The following FUT9 variants were observed in gnomAD, a reference collection of about 807,000 sequenced individuals.
FUT9 encodes the protein 4-galactosyl-N-acetylglucosaminide 3-alpha-L-fucosyltransferase 9.
FUT9 carries 15 observed loss-of-function variants against 29.7 expected under a neutral mutation model. The ratio of observed to expected loss-of-function variants is 0.51; its 90% CI spans 0.34 to 0.78. The LOEUF is 0.78. FUT9 is among the 30% of genes least tolerant of loss of function. The pLI, the probability that FUT9 is intolerant of heterozygous loss-of-function variation, is 0.01. For missense variants in FUT9, 319 were observed against 425.4 expected (o/e 0.75, Z 2.20); for synonymous variants, 169 against 153.7 (o/e 1.10, Z -0.74).
rs1773763511 is a variant in FUT9 at position 96,203,350 on chromosome 6, T to C, written c.195T>C (p.Thr65=). 2 of 1,613,696 alleles carry C rather than the reference T, an allele frequency of 1.2e-6. No homozygotes were observed. The highest frequency in any genetic ancestry group is 1.7e-5 in the Admixed American group (1 of 59,984). The change falls in exon 3 of 3, where the codon ACT becomes ACC. Residue 65 remains threonine (T), a synonymous_variant. Coordinates refer to ENST00000302103, the MANE Select transcript of FUT9 (RefSeq NM_006581.4). The part of the protein sequence containing the change: ...STKTDYFNET[T]ILVWVWPFGQ... Reference sequence around the variant, plus strand: ...AAACTGATTATTTTAATGAAACTACTATTCTGGTGTGGGTGTGGCCATTTG... The same window carrying C: ...AAACTGATTATTTTAATGAAACTACCATTCTGGTGTGGGTGTGGCCATTTG...
At chr6:96,172,818 G>C (rs1324860617) in intron 2 of FUT9, among the ~76,000 whole-genome samples, 1 of 17,434 alleles carries the variant, frequency 5.7e-5, no homozygotes, top group Non-Finnish European at 3.4e-3. Context: ...AAAATAAAGA[G>C]ATAGGTTCTC....
chr6:96,144,657 A>G (rs909869172), intron 2 of FUT9, among the ~76,000 whole-genome samples: 3 of 152,216 alleles, frequency 2.0e-5, no homozygotes, highest in East Asian at 3.9e-4. Context: ...TAATTATAAA[A>G]GAAAATAAGA....
At chr6:96,108,538 T>G (rs1297216809) in intron 1 of FUT9, among the ~76,000 whole-genome samples, 2 of 152,154 alleles carry the variant, frequency 1.3e-5, no homozygotes, top group East Asian at 3.9e-4. Context: ...TACGTGTTAT[T>G]ATTATTAGCG....
chr6:96,149,130 C>T lies in FUT9; in HGVS notation c.-9+35003C>T, dbSNP rs572731391. Among the ~76,000 whole-genome samples the T allele has an allele frequency of 3.3e-5, 5 of 150,616 alleles. No individual in the cohort carries two copies. In the South Asian group the frequency reaches 6.4e-4, roughly 19 times the overall value. ...GTGAGCCAAGATTCTGCCACTGTAC[C>T]GCAGCCTGGGCAACACAGTGAGACT... On this transcript the variant is annotated intron_variant, in intron 2 of 2. Transcript: ENST00000302103.
intron 1 of FUT9, among the ~76,000 whole-genome samples, chr6:96,081,364 T>C (rs1372470922): frequency 6.6e-6 from 1 of 151,768 alleles, no homozygotes; most frequent in Non-Finnish European, 1.5e-5. Flanking sequence ...TGATTGTCTT[T>C]GAATTTTTCT....
intron 1 of FUT9, among the ~76,000 whole-genome samples, chr6:96,112,652 TTG>T (rs969553180): frequency 1.3e-5 from 2 of 152,122 alleles, no homozygotes; most frequent in Non-Finnish European, 2.9e-5. Flanking sequence ...ATAACGTTGT[TTG>T]TGTGTGTGCG....
At chr6:96,062,054 T>C (rs923887296) in intron 1 of FUT9, among the ~76,000 whole-genome samples, 22 of 152,102 alleles carry the variant, frequency 1.4e-4, no homozygotes, top group African/African-American at 5.3e-4. Flanking sequence ...AGGGTTTGTA[T>C]AGTATATGAT....
rs1404653587 is a variant in FUT9 at position 96,124,401 on chromosome 6, C to T, written c.-9+10274C>T. Among the ~76,000 whole-genome samples the T allele has an allele frequency of 2.6e-5, 4 of 152,062 alleles. No homozygotes were observed. In the East Asian group the frequency reaches 5.8e-4, roughly 22 times the overall value. ...CTCTGACCTTGTGATCAGCCCACCTCGGCCTCCCAAAGTGCTGGGATTACA... is the reference window on the plus strand; with the variant it reads ...CTCTGACCTTGTGATCAGCCCACCTTGGCCTCCCAAAGTGCTGGGATTACA... On this transcript the variant is annotated intron_variant, in intron 2 of 2. Transcript: ENST00000302103.
chr6:96,023,910 T>G (rs559819540), intron 1 of FUT9, among the ~76,000 whole-genome samples: 1 of 152,046 alleles, frequency 6.6e-6, no homozygotes, highest in East Asian at 1.9e-4. Context: ...GACCAGAAAG[T>G]GATTTATGTG....
chr6:96,149,790 A>G (rs2127976255), intron 2 of FUT9, among the ~76,000 whole-genome samples: 1 of 152,330 alleles, frequency 6.6e-6, no homozygotes, highest in Non-Finnish European at 1.5e-5. Flanking sequence ...TGTAATGATC[A>G]AATCAGGGTA....
At chr6:96,195,647 T>A (rs1047977896) in intron 2 of FUT9, among the ~76,000 whole-genome samples, 1 of 152,194 alleles carries the variant, frequency 6.6e-6, no homozygotes, top group Non-Finnish European at 1.5e-5. Context: ...TATAGGACTT[T>A]GAGACAGAAT....
At chr6:96,143,462 C>A (rs1772503439) in intron 2 of FUT9, among the ~76,000 whole-genome samples, 1 of 152,062 alleles carries the variant, frequency 6.6e-6, no homozygotes, top group Non-Finnish European at 1.5e-5. Flanking sequence ...TGGTTCCTTC[C>A]TTCATTCATT....
Position 96,060,189 on chromosome 6 carries a change from C to T in FUT9, c.-98+43977C>T, listed in dbSNP as rs1770848012. Among the ~76,000 whole-genome samples the T allele has an allele frequency of 1.3e-5, 2 of 152,096 alleles. 1 individual carries two copies. The highest frequency in any genetic ancestry group is 4.1e-4 in the South Asian group (2 of 4,830). On this transcript the variant is annotated intron_variant, in intron 1 of 2. Coordinates refer to ENST00000302103, the MANE Select transcript of FUT9 (RefSeq NM_006581.4). ...CCTTTCCATTTAGTGTCAAACTGAA[C>T]AGATGCAAACTCACTTATGGGGAGC...
At position 96,073,058 on chromosome 6, in the gene FUT9, C is replaced by T. The variant is rs116617174; in HGVS notation, c.-97-40981C>T. Among the ~76,000 whole-genome samples the T allele has an allele frequency of 6.1e-3, 930 of 152,214 alleles. 15 individuals are homozygous for T. The highest frequency in any genetic ancestry group is 0.021 in the African/African-American group (886 of 41,528). ...AAAACAGAACAAATGCTCTGACTTGCAATGTGAGCACAGGGAACACCACGT... is the reference window on the plus strand; with the variant it reads ...AAAACAGAACAAATGCTCTGACTTGTAATGTGAGCACAGGGAACACCACGT... On this transcript the variant is annotated intron_variant, in intron 1 of 2. Coordinates refer to ENST00000302103, the MANE Select transcript of FUT9 (RefSeq NM_006581.4).
At chr6:96,114,622 A>G (rs910120164) in intron 2 of FUT9, among the ~76,000 whole-genome samples, 2 of 150,876 alleles carry the variant, frequency 1.3e-5, no homozygotes, top group Admixed American at 6.6e-5. Context: ...TATATTTACT[A>G]TATATATTCA....
At chr6:96,100,587 C>T (rs1771571663) in intron 1 of FUT9, among the ~76,000 whole-genome samples, 1 of 152,038 alleles carries the variant, frequency 6.6e-6, no homozygotes, top group Non-Finnish European at 1.5e-5. Flanking sequence ...CTGGAGATAG[C>T]TAAAGAAATT....
intron 2 of FUT9, among the ~76,000 whole-genome samples, chr6:96,126,279 G>A (rs1016418185): frequency 1.8e-4 from 28 of 152,140 alleles, no homozygotes; most frequent in Non-Finnish European, 3.4e-4. Flanking sequence ...TTTTATTCAT[G>A]GAGGAAGGCA....
At chr6:96,101,662 T>G (rs1462170341) in intron 1 of FUT9, among the ~76,000 whole-genome samples, 1 of 151,908 alleles carries the variant, frequency 6.6e-6, no homozygotes, top group Non-Finnish European at 1.5e-5. Flanking sequence ...TTTTACATAC[T>G]CCAATTCTGG....
chr6:96,065,143 T>C (rs747257963), intron 1 of FUT9, among the ~76,000 whole-genome samples: 1 of 152,146 alleles, frequency 6.6e-6, no homozygotes, highest in Non-Finnish European at 1.5e-5. Flanking sequence ...GTCGTAACTC[T>C]TCTTCTTCCT....
Sources: gnomAD v4.1 joint callset for allele counts (sites outside exome capture counted in the v4.1 genomes callset) on GRCh38, gnomAD v4.1.1 for gene constraint, MANE v1.5 for transcripts, NCBI Gene and HGNC (gene_info 2026-07-23, HGNC 2026-07-21) for gene names.